Variants in LINGO2 observed in about 807,000 individuals in gnomAD.
LINGO2 encodes the protein leucine rich repeat and Ig domain containing 2, also known as leucine-rich repeat and immunoglobulin-like domain-containing nogo receptor-interacting protein 2.
Under a neutral mutation model 30.6 loss-of-function variants are expected in LINGO2, and 14 were observed. The ratio of observed to expected loss-of-function variants is 0.46; its 90% confidence interval spans 0.30 to 0.72. LINGO2 has a LOEUF of 0.72. Ranked by LOEUF, LINGO2 falls within the 30% of genes least tolerant of loss-of-function variation. The pLI, the probability that LINGO2 is intolerant of heterozygous loss-of-function variation, is 0.07. For missense variants in LINGO2, 729 were observed against 751.7 expected (o/e 0.97, Z 0.35); for synonymous variants, 317 against 288.5 (o/e 1.10, Z -1.00).
At chr9:29,177,079 T>C in the LINGO2 span, among the ~76,000 whole-genome samples, 1 of 152,186 alleles carries the variant, frequency 6.6e-6, no homozygotes, top group South Asian at 2.1e-4. Context: ...GAACAGAGCA[T>C]TAAAGTATAG....
chr9:29,019,377 A>G, the LINGO2 span, among the ~76,000 whole-genome samples: 1 of 152,204 alleles, frequency 6.6e-6, no homozygotes, highest in Non-Finnish European at 1.5e-5. Context: ...TTTTTAGGAG[A>G]CTAGTGTAGG....
At chr9:29,005,884 G>A in the LINGO2 span, among the ~76,000 whole-genome samples, 3 of 151,826 alleles carry the variant, frequency 2.0e-5, no homozygotes, top group Non-Finnish European at 4.4e-5. Flanking sequence ...TGTTATTATT[G>A]TTGTATTTTT....
chr9:29,023,932 T>G, the LINGO2 span, among the ~76,000 whole-genome samples: 9 of 151,924 alleles, frequency 5.9e-5, no homozygotes, highest in Admixed American at 6.6e-5. Flanking sequence ...TATGAAGCAC[T>G]TTTTTTTCCA....
chr9:28,806,890 C>T, the LINGO2 span, among the ~76,000 whole-genome samples: 2 of 151,896 alleles, frequency 1.3e-5, no homozygotes, highest in Non-Finnish European at 2.9e-5. Context: ...TTATAGAGGG[C>T]CATTCTAAGA....
At chr9:28,032,098 G>A (rs1250853673) in intron 4 of LINGO2, among the ~76,000 whole-genome samples, 3 of 151,610 alleles carry the variant, frequency 2.0e-5, no homozygotes, top group Admixed American at 1.3e-4. Flanking sequence ...AGAGCTGGGG[G>A]GAAAATAAAA....
chr9:28,036,351 G>A (rs1431540276), intron 4 of LINGO2, among the ~76,000 whole-genome samples: 1 of 152,128 alleles, frequency 6.6e-6, no homozygotes, highest in Non-Finnish European at 1.5e-5. Flanking sequence ...CATGGGAAAG[G>A]AGAGGTGTCA....
chr9:28,572,496 C>T lies in LINGO2; in HGVS notation c.-364-96471G>A, dbSNP rs183339187. On this transcript the variant is annotated intron_variant, in intron 1 of 5. Coordinates refer to ENST00000379992, the Ensembl canonical transcript of LINGO2. ...TTTTTGAAATCCAGTACAAACTGATCTGTGAAGCATAACAACAAGGCCGCT... is the reference window on the plus strand; with the variant it reads ...TTTTTGAAATCCAGTACAAACTGATTTGTGAAGCATAACAACAAGGCCGCT... Among the ~76,000 whole-genome samples, 3 of 152,182 alleles carry T rather than the reference C, an allele frequency of 2.0e-5. No individual in the cohort carries two copies. The East Asian group carries it at 5.8e-4, about 29-fold the overall frequency.
chr9:28,771,946 A>C, the LINGO2 span, among the ~76,000 whole-genome samples: 21 of 152,000 alleles, frequency 1.4e-4, no homozygotes, highest in Non-Finnish European at 2.9e-4. Flanking sequence ...ATTTATCTAC[A>C]CTCATGGAAT....
At chr9:28,782,885 C>A in the LINGO2 span, among the ~76,000 whole-genome samples, 1 of 152,150 alleles carries the variant, frequency 6.6e-6, no homozygotes, top group African/African-American at 2.4e-5. Flanking sequence ...CCTAAGATGG[C>A]GCAGCCCCAC....
intron 4 of LINGO2, among the ~76,000 whole-genome samples, chr9:28,241,977 C>T (rs1587306774): frequency 6.6e-6 from 1 of 151,778 alleles, no homozygotes; most frequent in South Asian, 2.1e-4. Flanking sequence ...TCAACAGCCT[C>T]AAAGATCAAA....
At chr9:29,010,673 C>G in the LINGO2 span, among the ~76,000 whole-genome samples, 1 of 152,068 alleles carries the variant, frequency 6.6e-6, no homozygotes, top group Non-Finnish European at 1.5e-5. Flanking sequence ...AAAACTACTA[C>G]TCAATATAGA....
intron 5 of LINGO2, among the ~76,000 whole-genome samples, chr9:28,007,272 T>C (rs1822313218): frequency 6.6e-6 from 1 of 152,124 alleles, no homozygotes; most frequent in Non-Finnish European, 1.5e-5. Context: ...CAGGAAATAG[T>C]GTTATGTAAA....
the LINGO2 span, among the ~76,000 whole-genome samples, chr9:28,851,971 G>A: frequency 1.3e-4 from 19 of 151,706 alleles, no homozygotes; most frequent in African/African-American, 4.6e-4. Flanking sequence ...ACTAGATACA[G>A]CAGAAAGTAT....
intron 3 of LINGO2, among the ~76,000 whole-genome samples, chr9:28,364,485 A>C (rs928936218): frequency 2.6e-5 from 4 of 152,152 alleles, no homozygotes; most frequent in African/African-American, 7.2e-5. Context: ...TTCTGTGCTT[A>C]ATGTCTAAGA....
chr9:28,493,563 T>C (rs898433938), intron 1 of LINGO2, among the ~76,000 whole-genome samples: 1 of 152,188 alleles, frequency 6.6e-6, no homozygotes. Flanking sequence ...ATAGCTTATA[T>C]GTTATTTGAA....
chr9:28,908,202 C>T, the LINGO2 span, among the ~76,000 whole-genome samples: 1 of 151,426 alleles, frequency 6.6e-6, no homozygotes, highest in Admixed American at 6.6e-5. Context: ...GGTTGCACTG[C>T]TGTGATAGTA....
intron 4 of LINGO2, among the ~76,000 whole-genome samples, chr9:28,049,547 T>A (rs961490219): frequency 6.6e-6 from 1 of 150,662 alleles, no homozygotes; most frequent in Admixed American, 6.7e-5. Flanking sequence ...GTTTGCAGTA[T>A]GGAAGGGCAA....
Position 28,537,000 on chromosome 9 carries a change from A to G in LINGO2, c.-364-60975T>C, listed in dbSNP as rs552727278. Among the ~76,000 whole-genome samples the G allele has an allele frequency of 3.3e-5, 5 of 152,254 alleles. 1 individual carries two copies. Among genetic ancestry groups the G allele is most frequent in the African/African-American group, 1.2e-4 (5 of 41,570 alleles). Reference sequence around the variant, plus strand: ...TAGAACAGAATGGGCCTCTAATTCAATGTGACTAGTGTCCTTATTTAAAAA... The same window carrying G: ...TAGAACAGAATGGGCCTCTAATTCAGTGTGACTAGTGTCCTTATTTAAAAA... On this transcript the variant is annotated intron_variant, in intron 1 of 5. Coordinates refer to ENST00000379992, the Ensembl canonical transcript of LINGO2.
chr9:29,097,313 A>T, the LINGO2 span, among the ~76,000 whole-genome samples: 1 of 135,208 alleles, frequency 7.4e-6, no homozygotes, highest in African/African-American at 2.7e-5. Context: ...AGTAGTTTTA[A>T]TCTTTTTTTG....
Sources: allele counts gnomAD v4.1 joint callset (sites outside exome capture counted in the v4.1 genomes callset), GRCh38; gene constraint gnomAD v4.1.1; transcripts MANE v1.5; gene names NCBI Gene and HGNC (gene_info 2026-07-23, HGNC 2026-07-21).